The following FNBP1L variants were observed in gnomAD, a reference collection of about 807,000 sequenced individuals.
FNBP1L encodes formin-binding protein 1-like.
A neutral mutation model predicts 91.2 loss-of-function variants in FNBP1L; 36 were observed. The observed-to-expected ratio is 0.39, with a 90% CI of 0.30 to 0.52. The LOEUF (loss-of-function observed/expected upper bound fraction) is 0.52, where lower values mean the gene tolerates loss of function less well. Among genes scored for constraint, FNBP1L ranks in the 20% least tolerant of loss-of-function variants. The pLI is 0.66. For synonymous variants in FNBP1L, 242 were observed against 237.0 expected (o/e 1.02, Z -0.19); for missense variants, 571 against 732.1 (o/e 0.78, Z 2.54).
chr1:93,517,168 C>T (rs186241703), intron 2 of FNBP1L, among the ~76,000 whole-genome samples: 5 of 151,838 alleles, frequency 3.3e-5, no homozygotes, highest in South Asian at 2.1e-4. Context: ...CTCACCCTCC[C>T]GAGTAGCTGA....
Position 93,480,448 on chromosome 1 carries a change from G to A in FNBP1L, c.25-19020G>A, listed in dbSNP as rs185368863. On this transcript the variant is annotated intron_variant, in intron 1 of 16. Coordinates refer to ENST00000271234, the MANE Select transcript of FNBP1L (RefSeq NM_001164473.3). ...CCACCAACTTCATAGGGTTGTTGTG[G>A]GTGAAGATTAAATGAGAAATGCATG... 2.0e-3 allele frequency among the ~76,000 whole-genome samples: 311 copies of A among 152,232 alleles called. 2 individuals are homozygous for A. Among genetic ancestry groups the A allele is most frequent in the African/African-American group, 7.2e-3 (299 of 41,524 alleles).
Position 93,530,826 on chromosome 1 carries a change from A to C in FNBP1L, c.582A>C (p.Gln194His). Residue 194 changes from glutamine (Q) to histidine (H), a missense_variant, in exon 7 of 17, where the codon CAA (glutamine) becomes CAC (histidine). This residue lies in a region of FNBP1L where 220 missense variants were observed against 313.6 expected (regional missense o/e 0.70). Coordinates refer to ENST00000271234, the MANE Select transcript of FNBP1L (RefSeq NM_001164473.3). Reference sequence around the variant, plus strand: ...AAAATGAATATGCTGCACAATTACAAAACTTTAATGGAGAACAACATAAAC... The same window carrying C: ...AAAATGAATATGCTGCACAATTACACAACTTTAATGGAGAACAACATAAAC... Reference protein sequence around the residue: ...ENKNEYAAQLQNFNGEQHKHF... With the variant: ...ENKNEYAAQLHNFNGEQHKHF... 1 of 1,567,028 alleles carries C rather than the reference A, an allele frequency of 6.4e-7. No individual in the cohort carries two copies. Among genetic ancestry groups the C allele is most frequent in the South Asian group, 1.2e-5 (1 of 85,180 alleles).
intron 2 of FNBP1L, among the ~76,000 whole-genome samples, chr1:93,513,095 T>C (rs577048383): frequency 5.9e-5 from 9 of 152,200 alleles, no homozygotes; most frequent in East Asian, 3.9e-4. Flanking sequence ...ATATCACCAC[T>C]GATCCCACAG....
intron 15 of FNBP1L, among the ~76,000 whole-genome samples, chr1:93,550,130 C>G (rs1487191121): frequency 6.6e-6 from 1 of 152,112 alleles, no homozygotes; most frequent in African/African-American, 2.4e-5. Context: ...CTCCCCACTT[C>G]GTGTTGGTTT....
chr1:93,448,801 G>A (rs1319112540), intron 1 of FNBP1L, among the ~76,000 whole-genome samples: 1 of 152,146 alleles, frequency 6.6e-6, no homozygotes, highest in African/African-American at 2.4e-5. Flanking sequence ...TCGCCCGTCT[G>A]GGGCGGCGCC....
chr1:93,553,262 A>G lies in FNBP1L; in HGVS notation c.*846A>G, dbSNP rs1281726342. The G allele has an allele frequency of 7.9e-5, 12 of 152,662 alleles. No homozygotes were observed. The highest frequency in any genetic ancestry group is 2.9e-4 in the African/African-American group (12 of 41,458). The allele number at this position is 152,662 out of a possible 1,614,324, so 9.5% of individuals were successfully genotyped here. ...ACCTCAAGACAAAGGACTATTGTCA[A>G]AAGTCAGCTGCTTCCATTCAAATGC... On this transcript the variant is annotated 3_prime_UTR_variant, in exon 17 of 17. Transcript: ENST00000271234.
intron 1 of FNBP1L, among the ~76,000 whole-genome samples, chr1:93,483,034 CA>C (rs1208579274): frequency 2.3e-5 from 3 of 131,126 alleles, no homozygotes; most frequent in Non-Finnish European, 3.3e-5. Context: ...ACAAAAAAAA[CA>C]AAAAACAAAA....
intron 2 of FNBP1L, among the ~76,000 whole-genome samples, chr1:93,503,142 A>G (rs1297487239): frequency 6.6e-6 from 1 of 152,150 alleles, no homozygotes; most frequent in Non-Finnish European, 1.5e-5. Flanking sequence ...AGACTGGGTA[A>G]TTTATAAGGG....
At chr1:93,523,597 T>G in intron 4 of FNBP1L, 106 bp downstream of exon 4, 1 of 990,656 alleles carries the variant, frequency 1.0e-6, no homozygotes, top group Non-Finnish European at 1.4e-6. Context: ...GTTTTTCTAT[T>G]TCACTACATT....
chr1:93,500,144 A>G (rs1378022929), intron 2 of FNBP1L, among the ~76,000 whole-genome samples: 1 of 152,202 alleles, frequency 6.6e-6, no homozygotes, highest in Non-Finnish European at 1.5e-5. Flanking sequence ...TTCAGTAAAA[A>G]TGGTGCTTGA....
At chr1:93,538,195 A>T (rs1047105917) in intron 10 of FNBP1L, among the ~76,000 whole-genome samples, 2 of 149,348 alleles carry the variant, frequency 1.3e-5, no homozygotes, top group African/African-American at 4.9e-5. Context: ...AATTCTAAGG[A>T]AAAAAAAAAC....
At chr1:93,491,940 A>G (rs1255785423) in intron 1 of FNBP1L, among the ~76,000 whole-genome samples, 9 of 152,190 alleles carry the variant, frequency 5.9e-5, no homozygotes, top group Non-Finnish European at 1.0e-4. Flanking sequence ...TAATTTTTAT[A>G]ATTTGTAACT....
chr1:93,492,665 A>C (rs1032326391), intron 1 of FNBP1L, among the ~76,000 whole-genome samples: 1 of 152,072 alleles, frequency 6.6e-6, no homozygotes, highest in Admixed American at 6.6e-5. Context: ...CGGAGCAACA[A>C]AGCAAGACCC....
intron 1 of FNBP1L, among the ~76,000 whole-genome samples, chr1:93,468,552 C>T (rs929504032): frequency 6.6e-6 from 1 of 152,072 alleles, no homozygotes; most frequent in Non-Finnish European, 1.5e-5. Context: ...CACCTCAGCA[C>T]CCCATGTAGC....
intron 1 of FNBP1L, among the ~76,000 whole-genome samples, chr1:93,493,660 A>C (rs1545839): frequency 0.98 from 149,433 of 152,270 alleles, 73,377 homozygotes; most frequent in East Asian, 1. Flanking sequence ...ATGATGTCTT[A>C]GATATTTATC....
chr1:93,461,973 A>T (rs2101688868), intron 1 of FNBP1L, among the ~76,000 whole-genome samples: 1 of 152,300 alleles, frequency 6.6e-6, no homozygotes, highest in Non-Finnish European at 1.5e-5. Flanking sequence ...ACCACTTCTT[A>T]CTTGTCACAC....
Position 93,552,531 on chromosome 1 carries a change from G to C in FNBP1L, c.*115G>C. On this transcript the variant is annotated 3_prime_UTR_variant, in exon 17 of 17. Coordinates refer to ENST00000271234, the MANE Select transcript of FNBP1L (RefSeq NM_001164473.3). ...AGAGTGAGAGAAGCAAGTTGCATGA[G>C]TGCATGCAGACATGATTTTTTTTTT... is the stretch of plus-strand genomic sequence containing the variant. 8.2e-6 allele frequency: 9 copies of C among 1,098,082 alleles called. No individual in the cohort carries two copies. Among genetic ancestry groups the C allele is most frequent in the Non-Finnish European group, 1.2e-5 (9 of 774,028 alleles). 68.0% of individuals were successfully genotyped at this position (1,098,082 alleles called of 1,614,324 possible).
At chr1:93,543,331 G>C (rs1022153861) in intron 11 of FNBP1L, among the ~76,000 whole-genome samples, 1 of 152,056 alleles carries the variant, frequency 6.6e-6, no homozygotes, top group African/African-American at 2.4e-5. Context: ...TTCTTAAATT[G>C]CATAGTTTTT....
At chr1:93,476,792 A>AC in intron 1 of FNBP1L, among the ~76,000 whole-genome samples, 1 of 152,288 alleles carries the variant, frequency 6.6e-6, no homozygotes, top group South Asian at 2.1e-4. Context: ...AAACAAACAA[A>AC]AAAAATCCAT....
Sources: gnomAD v4.1 joint callset for allele counts (sites outside exome capture counted in the v4.1 genomes callset) on GRCh38, gnomAD v4.1.1 for gene constraint, gnomAD v4.1.1 regional missense constraint, MANE v1.5 for transcripts, NCBI Gene and HGNC (gene_info 2026-07-23, HGNC 2026-07-21) for gene names.